The following FAM227A variants were observed in gnomAD, a reference collection of about 807,000 sequenced individuals.
FAM227A encodes the protein family with sequence similarity 227 member A, also known as protein FAM227A.
In FAM227A, 80 loss-of-function variants were observed where a neutral mutation model predicts 74.7. The observed-to-expected ratio is 1.07, with a 90% CI of 0.89 to 1.29. The LOEUF is 1.29. Ranked by LOEUF, FAM227A falls within the 50% of genes most tolerant of loss-of-function variation. FAM227A has a pLI of 0.00. For missense variants in FAM227A, 654 were observed against 683.4 expected (o/e 0.96, Z 0.48); for synonymous variants, 237 against 241.8 (o/e 0.98, Z 0.19).
At chr22:38,598,042 CAAAAA>C (rs59018974) in intron 14 of FAM227A, among the ~76,000 whole-genome samples, 1 of 83,814 alleles carries the variant, frequency 1.2e-5, no homozygotes. Flanking sequence ...GACTCTGTCT[CAAAAA>C]AAAAAAAAAA....
At chr22:38,610,073 A>AT (rs2091379485) in intron 11 of FAM227A, among the ~76,000 whole-genome samples, 1 of 149,632 alleles carries the variant, frequency 6.7e-6, no homozygotes, top group Non-Finnish European at 1.5e-5. Context: ...GGGCCCGGCC[A>AT]TTTTTTGTTT....
chr22:38,607,480 C>T lies in FAM227A; in HGVS notation c.1039-4G>A, dbSNP rs1484338910. ...TGGGTGAATTTGCACTAGAAGACTT[C>T]AGGAGACAAGAGAGAGAAAGAGAGG... is the stretch of plus-strand genomic sequence containing the variant. On this transcript the variant is annotated splice_region_variant and splice_polypyrimidine_tract_variant and intron_variant, in intron 11 of 16. Transcript: ENST00000535113. The T allele has an allele frequency of 2.6e-6, 4 of 1,542,186 alleles. No homozygotes were observed. The South Asian group carries it at 4.8e-5, about 18-fold the overall frequency.
chr22:38,623,627 T>G (rs563610907), intron 9 of FAM227A, among the ~76,000 whole-genome samples: 3 of 152,272 alleles, frequency 2.0e-5, no homozygotes, highest in African/African-American at 7.2e-5. Flanking sequence ...ACGTGTCAGC[T>G]GGGTGTAAGG....
At chr22:38,619,915 A>G (rs2146352899) in intron 11 of FAM227A, among the ~76,000 whole-genome samples, 2 of 152,238 alleles carry the variant, frequency 1.3e-5, no homozygotes, top group Middle Eastern at 6.8e-3. Flanking sequence ...GGATTAGTGG[A>G]GAAAAAAAAA....
chr22:38,607,626 C>A (rs2091313483), intron 11 of FAM227A, 150 bp from the exon 12 acceptor site: 4 of 644,576 alleles, frequency 6.2e-6, no homozygotes, highest in Non-Finnish European at 1.1e-5. Context: ...AGAACGAGAC[C>A]TTTCAGGTCC....
chr22:38,623,284 G>C lies in FAM227A; in HGVS notation c.851-5C>G, dbSNP rs1278152273. 1.3e-6 allele frequency: 2 copies of C among 1,546,504 alleles called. No individual in the cohort carries two copies. The highest frequency in any genetic ancestry group is 2.4e-5 in the East Asian group (1 of 40,896). On this transcript the variant is annotated splice_region_variant and splice_polypyrimidine_tract_variant and intron_variant, in intron 9 of 16. Transcript: ENST00000535113. ...TCTGTGGGCTAGGATAGGTGCCTAA[G>C]GGAGGAGTCAAGAGTGAGAATGGGG...
rs2090710180 is a variant in FAM227A, at chr22:38,581,745, T to TG, written c.*4379_*4380insC. Reference sequence around the variant, plus strand: ...TTAGCCACCGCACCTGGCTCAGGTTTTTTTTTTTTTTTTTCCCAGACACAG... The same window carrying TG: ...TTAGCCACCGCACCTGGCTCAGGTTTGTTTTTTTTTTTTTTCCCAGACACAG... On this transcript the variant is annotated 3_prime_UTR_variant, in exon 17 of 17. Coordinates refer to ENST00000535113, the MANE Select transcript of FAM227A (RefSeq NM_001013647.2). 1 of 151,096 alleles carries TG rather than the reference T, an allele frequency of 6.6e-6. No homozygotes were observed. Among genetic ancestry groups the TG allele is most frequent in the Non-Finnish European group, 1.5e-5 (1 of 67,878 alleles). 9.4% of individuals were successfully genotyped at this position (151,096 alleles called of 1,614,324 possible).
At position 38,586,096 on chromosome 22, in the gene FAM227A, C is replaced by A. The variant is rs576539997; in HGVS notation, c.*29G>T. Reference sequence around the variant, plus strand: ...GCAGAAATATCACGGATTCTGTAGGCGCTTCCTGGTTCTAGGTTGTGGAGC... The same window carrying A: ...GCAGAAATATCACGGATTCTGTAGGAGCTTCCTGGTTCTAGGTTGTGGAGC... On this transcript the variant is annotated 3_prime_UTR_variant, in exon 17 of 17. Transcript: ENST00000535113. 92 of 1,552,038 alleles carry A rather than the reference C, an allele frequency of 5.9e-5. No individual in the cohort carries two copies. The South Asian group carries it at 9.9e-4, about 17-fold the overall frequency.
chr22:38,608,508 G>A (rs2091338950), intron 11 of FAM227A, among the ~76,000 whole-genome samples: 1 of 151,728 alleles, frequency 6.6e-6, no homozygotes. Context: ...TCGGCTCACT[G>A]CAACCTTTGC....
At chr22:38,598,271 C>T (rs2091093956) in intron 14 of FAM227A, among the ~76,000 whole-genome samples, 1 of 152,062 alleles carries the variant, frequency 6.6e-6, no homozygotes, top group African/African-American at 2.4e-5. Flanking sequence ...CAGCTGTATG[C>T]CATTTAATCC....
chr22:38,621,927 C>CT (rs1960706234), intron 10 of FAM227A, among the ~76,000 whole-genome samples: 1 of 152,150 alleles, frequency 6.6e-6, no homozygotes, highest in Non-Finnish European at 1.5e-5. Context: ...ATCCCCCCCA[C>CT]TGCAGTGCCC....
Position 38,653,037 on chromosome 22 carries a change from T to C in FAM227A, c.-94-2775A>G, listed in dbSNP as rs1043232367. Among the ~76,000 whole-genome samples, 187 of 152,112 alleles carry C rather than the reference T, an allele frequency of 1.2e-3. 2 individuals are homozygous for C. Among genetic ancestry groups the C allele is most frequent in the African/African-American group, 4.4e-3 (183 of 41,482 alleles). On this transcript the variant is annotated intron_variant, in intron 1 of 16. Coordinates refer to ENST00000535113, the MANE Select transcript of FAM227A (RefSeq NM_001013647.2). ...CACACAGCAGGAAGTGAGTGGCAGG[T>C]GAGTGAGAGAAGCTTGTCTGTATTT...
intron 6 of FAM227A, among the ~76,000 whole-genome samples, chr22:38,633,910 G>A (rs1487138975): frequency 3.9e-5 from 6 of 151,962 alleles, no homozygotes; most frequent in Non-Finnish European, 5.9e-5. Context: ...ATTTTCCCAC[G>A]TGTGCACTTA....
At chr22:38,612,525 A>G (rs1373959583) in intron 11 of FAM227A, among the ~76,000 whole-genome samples, 2 of 152,094 alleles carry the variant, frequency 1.3e-5, no homozygotes, top group African/African-American at 2.4e-5. Flanking sequence ...TTCTGGGGTC[A>G]TTACTTGTTA....
intron 16 of FAM227A, among the ~76,000 whole-genome samples, chr22:38,587,138 T>C (rs568010474): frequency 6.6e-6 from 1 of 152,302 alleles, no homozygotes; most frequent in Non-Finnish European, 1.5e-5. Flanking sequence ...AAGAGGGAAA[T>C]TTATAGCCAT....
chr22:38,643,374 AG>A (rs1471600233), intron 3 of FAM227A, among the ~76,000 whole-genome samples: 1 of 152,148 alleles, frequency 6.6e-6, no homozygotes, highest in East Asian at 1.9e-4. Context: ...CACCTCAACA[AG>A]GAAGATCTGC....
At chr22:38,629,045 G>T in intron 6 of FAM227A, 110 bp from the exon 7 acceptor site, 1 of 648,648 alleles carries the variant, frequency 1.5e-6, no homozygotes, top group Non-Finnish European at 2.7e-6. Context: ...TGTTAGTGAG[G>T]CCCTACCCAG....
At chr22:38,608,686 C>A (rs1182366522) in intron 11 of FAM227A, among the ~76,000 whole-genome samples, 2 of 152,044 alleles carry the variant, frequency 1.3e-5, no homozygotes, top group African/African-American at 4.8e-5. Context: ...CTGCCTCGGC[C>A]TCCCAAAGTG....
intron 3 of FAM227A, among the ~76,000 whole-genome samples, chr22:38,643,226 G>C (rs765296848): frequency 3.3e-5 from 5 of 151,622 alleles, no homozygotes; most frequent in African/African-American, 1.2e-4. Flanking sequence ...CGAGGCAGGA[G>C]AATCACTTGA....
Sources: gnomAD v4.1 joint callset for allele counts (sites outside exome capture counted in the v4.1 genomes callset) on GRCh38, gnomAD v4.1.1 for gene constraint, MANE v1.5 for transcripts, NCBI Gene and HGNC (gene_info 2026-07-23, HGNC 2026-07-21) for gene names.